Variants in ELF2 observed in about 807,000 individuals in gnomAD.
ELF2 encodes the protein ETS-related transcription factor Elf-2.
ELF2 carries 11 observed loss-of-function variants against 54.8 expected under a neutral mutation model. The observed-to-expected ratio is 0.20, with a 90% CI of 0.13 to 0.33. ELF2 has a LOEUF of 0.33. ELF2 is among the 10% of genes least tolerant of loss of function. The pLI, the probability that ELF2 is intolerant of heterozygous loss-of-function variation, is 1.00. For synonymous variants in ELF2, 203 were observed against 245.1 expected, an observed-to-expected ratio of 0.83 and a Z score of 1.61; for missense variants, 513 against 703.0, an observed-to-expected ratio of 0.73 and a Z score of 3.06.
chr4:139,168,592 C>T (rs1201451038), intron 1 of ELF2, among the ~76,000 whole-genome samples: 5 of 152,202 alleles, frequency 3.3e-5, no homozygotes, highest in Non-Finnish European at 5.9e-5. Flanking sequence ...GGTCCTGACA[C>T]TGACTCCTAG....
chr4:139,162,786 C>T (rs1045249788), intron 1 of ELF2, among the ~76,000 whole-genome samples: 3 of 151,964 alleles, frequency 2.0e-5, no homozygotes, highest in Middle Eastern at 3.4e-3. Flanking sequence ...AATTATGTTA[C>T]GGAGAATGTT....
At chr4:139,089,440 A>G (rs1171776675) in intron 4 of ELF2, among the ~76,000 whole-genome samples, 1 of 152,242 alleles carries the variant, frequency 6.6e-6, no homozygotes, top group Admixed American at 6.5e-5. Flanking sequence ...AGATGAAGAT[A>G]GCATTTTTGA....
intron 4 of ELF2, among the ~76,000 whole-genome samples, chr4:139,116,206 T>G (rs971720199): frequency 6.6e-6 from 1 of 152,150 alleles, no homozygotes; most frequent in African/African-American, 2.4e-5. Context: ...TTCAAACAAT[T>G]CTAGAGTAAA....
intron 4 of ELF2, among the ~76,000 whole-genome samples, chr4:139,121,325 G>A (rs971556892): frequency 5.3e-5 from 8 of 151,228 alleles, no homozygotes; most frequent in Non-Finnish European, 8.8e-5. Flanking sequence ...AGCCAGGATG[G>A]TCTCGATCTC....
chr4:139,082,717 T>C (rs562984353), intron 4 of ELF2, among the ~76,000 whole-genome samples: 1 of 152,330 alleles, frequency 6.6e-6, no homozygotes, highest in Non-Finnish European at 1.5e-5. Context: ...TAAGATCTTT[T>C]ACAGAATTAC....
intron 4 of ELF2, among the ~76,000 whole-genome samples, chr4:139,081,141 G>T (rs1284715436): frequency 6.6e-6 from 1 of 152,066 alleles, no homozygotes; most frequent in African/African-American, 2.4e-5. Context: ...TCAGGGTCAA[G>T]GCTCGTTCTC....
At chr4:139,071,692 A>G (rs1322784010) in intron 6 of ELF2, among the ~76,000 whole-genome samples, 174 bp downstream of exon 6, 1 of 152,190 alleles carries the variant, frequency 6.6e-6, no homozygotes, top group Non-Finnish European at 1.5e-5. Context: ...AAACAGTATG[A>G]GTACGTTAAA....
intron 4 of ELF2, among the ~76,000 whole-genome samples, chr4:139,104,308 G>A (rs537437443): frequency 5.9e-4 from 89 of 152,002 alleles, no homozygotes; most frequent in African/African-American, 2.0e-3. Context: ...TCAGGAGTTC[G>A]AGACCACCCT....
chr4:139,125,088 T>C (rs1046780750), intron 4 of ELF2, 76 bp downstream of exon 4: 4 of 1,524,400 alleles, frequency 2.6e-6, no homozygotes, highest in Non-Finnish European at 3.5e-6. Flanking sequence ...CAGTATATTT[T>C]TCATCTGGCA....
chr4:139,125,085 T>C, intron 4 of ELF2, 79 bp downstream of exon 4: 3 of 1,518,826 alleles, frequency 2.0e-6, no homozygotes, highest in South Asian at 1.3e-5. Context: ...TTTCAGTATA[T>C]TTTTCATCTG....
chr4:139,107,287 C>G (rs1266550633), intron 4 of ELF2, among the ~76,000 whole-genome samples: 4 of 151,978 alleles, frequency 2.6e-5, no homozygotes, highest in African/African-American at 9.7e-5. Flanking sequence ...TTCTGTTGAC[C>G]CCCTCTGAGT....
At chr4:139,150,488 C>T (rs113250586) in intron 1 of ELF2, among the ~76,000 whole-genome samples, 4,649 of 148,922 alleles carry the variant, frequency 0.031, 247 homozygotes, top group African/African-American at 0.11. Context: ...CAGTGTAGTC[C>T]TCCCTGGGTG....
At chr4:139,160,794 C>A (rs552551194) in intron 1 of ELF2, among the ~76,000 whole-genome samples, 156 of 151,922 alleles carry the variant, frequency 1.0e-3, no homozygotes, top group Non-Finnish European at 1.1e-3. Context: ...GAAACCCCGA[C>A]TCTACTAAAA....
intron 3 of ELF2, among the ~76,000 whole-genome samples, chr4:139,127,178 C>G (rs1737006534): frequency 6.6e-6 from 1 of 152,186 alleles, no homozygotes; most frequent in African/African-American, 2.4e-5. Flanking sequence ...TTTCACCCCC[C>G]AGATGTGTTC....
rs57452146 is a variant in ELF2, at chr4:139,161,652, TAAAAA to T, written c.-252+15310_-252+15314del. The stretch of plus-strand genomic sequence containing the variant: ...CACAAATAGTCTACGTAAAACTGTT[TAAAAA>T]AAAAAAAAAAAAAAAAAAAAAACTC... On this transcript the variant is annotated intron_variant, in intron 1 of 9. Coordinates refer to ENST00000686138, the MANE Select transcript of ELF2 (RefSeq NM_001331036.3). Among the ~76,000 whole-genome samples, 8 of 70,028 alleles carry T rather than the reference TAAAAA, an allele frequency of 1.1e-4. 1 individual carries two copies. The Admixed American group carries it at 1.2e-3, about 10-fold the overall frequency. The allele number at this position is 70,028 out of a possible 152,430, so 45.9% of individuals were successfully genotyped here. A position where few individuals can be genotyped will look rare whatever the true frequency, so the allele number is the denominator to read the frequency against.
chr4:139,132,881 G>T (rs1243301207), intron 3 of ELF2, among the ~76,000 whole-genome samples: 20 of 128,718 alleles, frequency 1.6e-4, no homozygotes, highest in Admixed American at 1.2e-3. Flanking sequence ...TATAAAATAT[G>T]TAATTTTTTT....
intron 8 of ELF2, among the ~76,000 whole-genome samples, chr4:139,061,120 T>TTA (rs574976536): frequency 7.2e-5 from 11 of 152,130 alleles, no homozygotes; most frequent in Non-Finnish European, 1.5e-4. Context: ...ACACCCTTAA[T>TTA]TAGAAGAAGC....
chr4:139,060,734 C>T, intron 8 of ELF2, 60 bp from the exon 9 acceptor site: 1 of 1,426,474 alleles, frequency 7.0e-7, no homozygotes, highest in African/African-American at 1.4e-5. Context: ...CCACTCCACC[C>T]CCGCCAAAAA....
chr4:139,124,810 A>G (rs1736752684), intron 4 of ELF2, among the ~76,000 whole-genome samples: 1 of 152,184 alleles, frequency 6.6e-6, no homozygotes. Context: ...ATGATAGAAT[A>G]CCATTTTTTT....
Sources: allele counts gnomAD v4.1 joint callset (sites outside exome capture counted in the v4.1 genomes callset), GRCh38; gene constraint gnomAD v4.1.1; transcripts MANE v1.5; gene names NCBI Gene and HGNC (gene_info 2026-07-23, HGNC 2026-07-21).